Variants in FSTL4 observed in about 807,000 individuals in gnomAD.
FSTL4 encodes the protein follistatin like 4, also known as follistatin-related protein 4.
In FSTL4, 28 loss-of-function variants were observed where a neutral mutation model predicts 78.2. The observed-to-expected ratio is 0.36, with a 90% CI of 0.27 to 0.49. FSTL4 has a LOEUF of 0.49. Among genes scored for constraint, FSTL4 ranks in the 20% least tolerant of loss-of-function variants. The pLI, the probability that FSTL4 is intolerant of heterozygous loss-of-function variation, is 0.98. For missense variants in FSTL4, 922 were observed against 1,084.9 expected (o/e 0.85, Z 2.11); for synonymous variants, 422 against 440.5 (o/e 0.96, Z 0.53).
intron 6 of FSTL4, among the ~76,000 whole-genome samples, chr5:133,267,774 T>C (rs2126843033): frequency 6.6e-6 from 1 of 152,242 alleles, no homozygotes; most frequent in East Asian, 1.9e-4. Context: ...GAGGTGTGAT[T>C]TGCTTGGGGC....
At chr5:133,567,059 C>G (rs538053626) in intron 3 of FSTL4, 127 bp downstream of exon 3, 84 of 743,220 alleles carry the variant, frequency 1.1e-4, no homozygotes, top group Non-Finnish European at 1.9e-4. Flanking sequence ...CAGTCAGCAC[C>G]CAGAAAAGGC....
intron 4 of FSTL4, among the ~76,000 whole-genome samples, chr5:133,394,436 C>G (rs1292779357): frequency 6.6e-6 from 1 of 152,212 alleles, no homozygotes; most frequent in African/African-American, 2.4e-5. Context: ...CTTGGTGGGC[C>G]CTGCACTCAC....
chr5:133,741,514 A>G, the FSTL4 span, among the ~76,000 whole-genome samples: 1 of 152,250 alleles, frequency 6.6e-6, no homozygotes, highest in Non-Finnish European at 1.5e-5. Flanking sequence ...AGAGAACCGC[A>G]GCCTGTGAGC....
At chr5:133,466,912 G>A (rs1465554101) in intron 3 of FSTL4, among the ~76,000 whole-genome samples, 1 of 150,834 alleles carries the variant, frequency 6.6e-6, no homozygotes, top group Admixed American at 6.6e-5. Context: ...GTGTGTGTAA[G>A]TGTGAGAGTG....
chr5:133,482,438 G>C (rs145778322), intron 3 of FSTL4, among the ~76,000 whole-genome samples: 4 of 152,350 alleles, frequency 2.6e-5, no homozygotes, highest in Admixed American at 2.0e-4. Flanking sequence ...CCAGAGGTTA[G>C]TCTGGGCTCA....
rs768330613 is a variant in FSTL4 at position 133,201,949 on chromosome 5, T to A, written c.1810A>T (p.Ile604Phe). 2 of 1,595,758 alleles carry A rather than the reference T, an allele frequency of 1.3e-6. No homozygotes were observed. Among genetic ancestry groups the A allele is most frequent in the Non-Finnish European group, 1.7e-6 (2 of 1,165,386 alleles). The change falls in exon 15 of 16, where the codon ATC (isoleucine) becomes TTC (phenylalanine). Residue 604 changes from isoleucine to phenylalanine, a missense_variant. Transcript: ENST00000265342. ...CAGTCTCACCTGATGTGGTTGATGA[T>A]GAGGTTTGTTGGGGGAATGAAGAAA... ...DDFFIPPTNL[I>F]INHIRFGFIF... is the part of the protein sequence containing the mutation.
At chr5:133,714,086 G>A in the FSTL4 span, among the ~76,000 whole-genome samples, 2 of 152,126 alleles carry the variant, frequency 1.3e-5, no homozygotes. Context: ...ACTAGACACA[G>A]CACCAAGGGC....
the FSTL4 span, among the ~76,000 whole-genome samples, chr5:133,625,874 T>TATATATATTCC: frequency 0.029 from 2 of 68 alleles, no homozygotes; most frequent in African/African-American, 0.17. Context: ...ATATATTCCA[T>TATATATATTCC]ATATATATAT....
intron 7 of FSTL4, among the ~76,000 whole-genome samples, chr5:133,243,462 G>T (rs2126815361): frequency 6.6e-6 from 1 of 152,348 alleles, no homozygotes; most frequent in East Asian, 1.9e-4. Flanking sequence ...AAGAATAGGA[G>T]CTCCACACAC....
intron 6 of FSTL4, among the ~76,000 whole-genome samples, chr5:133,264,045 TGGTAATGC>T (rs957347756): frequency 8.5e-5 from 13 of 152,102 alleles, no homozygotes; most frequent in Non-Finnish European, 1.2e-4. Context: ...AAGAGACATT[TGGTAATGC>T]CTGGAGGTAT....
At chr5:133,637,316 G>A in the FSTL4 span, among the ~76,000 whole-genome samples, 10 of 151,932 alleles carry the variant, frequency 6.6e-5, no homozygotes, top group Middle Eastern at 3.4e-3. Flanking sequence ...CGTCATCTAC[G>A]ACCTCCCCAT....
intron 3 of FSTL4, among the ~76,000 whole-genome samples, chr5:133,547,968 A>G (rs1223310962): frequency 1.3e-5 from 2 of 152,180 alleles, no homozygotes; most frequent in Non-Finnish European, 2.9e-5. Flanking sequence ...TCCCAATAAA[A>G]GCCCTGGACA....
At chr5:133,637,958 A>T in the FSTL4 span, among the ~76,000 whole-genome samples, 3 of 45,568 alleles carry the variant, frequency 6.6e-5, no homozygotes, top group Non-Finnish European at 1.6e-4. Flanking sequence ...ATAATAATTA[A>T]TAATAATAAT....
In FSTL4 at chr5:133,361,862, A is replaced by G. The variant is rs1755078533; in HGVS notation, c.409+38876T>C. ...GCATTGTATAAGACAGTCCTTCACA[A>G]CAATACATTGTCACATGCCCCCATT... On this transcript the variant is annotated intron_variant, in intron 4 of 15. Transcript: ENST00000265342. This position sits in a 1 kb window ranked among gnomAD's most constrained non-coding sequence, Gnocchi z 4.3. Among the ~76,000 whole-genome samples the G allele has an allele frequency of 6.6e-6, 1 of 152,242 alleles. No individual in the cohort carries two copies. The highest frequency in any genetic ancestry group is 1.5e-5 in the Non-Finnish European group (1 of 68,042).
intron 4 of FSTL4, among the ~76,000 whole-genome samples, chr5:133,353,064 T>A (rs1399612740): frequency 6.6e-6 from 1 of 152,196 alleles, no homozygotes; most frequent in Non-Finnish European, 1.5e-5. Context: ...ATTTAGTTGG[T>A]TCTTTTGGAA....
intron 3 of FSTL4, among the ~76,000 whole-genome samples, chr5:133,518,010 T>G (rs1414222425): frequency 1.3e-5 from 2 of 152,198 alleles, no homozygotes; most frequent in African/African-American, 2.4e-5. Context: ...TTCACAGAAA[T>G]ATCTAGAATA....
chr5:133,773,927 C>T, the FSTL4 span, among the ~76,000 whole-genome samples: 3 of 152,076 alleles, frequency 2.0e-5, 1 homozygote, highest in East Asian at 3.9e-4. Context: ...TGTAGCATTA[C>T]GATTAAAATT....
chr5:133,729,797 C>A, the FSTL4 span, among the ~76,000 whole-genome samples: 3 of 152,044 alleles, frequency 2.0e-5, no homozygotes, highest in Admixed American at 2.0e-4. Context: ...GAGAGTCCTG[C>A]CCTTTGTATT....
At chr5:133,407,810 G>C (rs1009796920) in intron 3 of FSTL4, among the ~76,000 whole-genome samples, 6 of 152,222 alleles carry the variant, frequency 3.9e-5, no homozygotes, top group Non-Finnish European at 8.8e-5. Flanking sequence ...AAGTGCCAAA[G>C]CATACTTTTC....
Sources: allele counts gnomAD v4.1 joint callset (sites outside exome capture counted in the v4.1 genomes callset), GRCh38; gene constraint gnomAD v4.1.1; non-coding constraint Gnocchi (gnomAD v3.1); transcripts MANE v1.5; gene names NCBI Gene and HGNC (gene_info 2026-07-23, HGNC 2026-07-21).